The following OAF variants were observed in gnomAD, a reference collection of about 807,000 sequenced individuals.
OAF encodes out at first protein homolog.
A neutral mutation model predicts 22.5 loss-of-function variants in OAF; 13 were observed. That is an observed-to-expected ratio of 0.58 (90% confidence interval 0.38 to 0.92). The LOEUF (loss-of-function observed/expected upper bound fraction) is 0.92. Ranked by LOEUF, OAF falls within the 40% of genes least tolerant of loss-of-function variation. OAF has a pLI of 0.00. For missense variants in OAF, 347 were observed against 381.8 expected (o/e 0.91, Z 0.76); for synonymous variants, 175 against 170.5 (o/e 1.03, Z -0.21).
chr11:120,228,888 G>A lies in OAF; in HGVS notation c.568G>A (p.Glu190Lys), dbSNP rs745994132. ...LEQGVDSSVF[E>K]ALPKASEQAE... is the part of the protein sequence containing the mutation. ...CCCAGGTGTGGACAGTTCTGTGTTCGAGGCTCTGCCCAAGGCCTCAGAGCA... is the reference window on the plus strand; with the variant it reads ...CCCAGGTGTGGACAGTTCTGTGTTCAAGGCTCTGCCCAAGGCCTCAGAGCA... Residue 190 changes from glutamate to lysine, a missense_variant, in exon 4 of 4, where the codon GAG becomes AAG. Coordinates refer to ENST00000328965, the MANE Select transcript of OAF (RefSeq NM_178507.4). The A allele has an allele frequency of 4.2e-6, 6 of 1,434,864 alleles. No individual in the cohort carries two copies. In the East Asian group the frequency reaches 9.5e-5, roughly 23 times the overall value. The allele number at this position is 1,434,864 out of a possible 1,614,324, so 88.9% of individuals were successfully genotyped here. A position where few individuals can be genotyped will look rare whatever the true frequency, so the allele number is the denominator to read the frequency against.
In OAF at chr11:120,226,936, GC is replaced by G; in HGVS notation, c.489del (p.Glu164ArgfsTer57). On this transcript the variant is annotated frameshift_variant, in exon 3 of 4. Coordinates refer to ENST00000328965, the MANE Select transcript of OAF (RefSeq NM_178507.4). LOFTEE classifies it high-confidence loss of function. ...GAGCCCCCATCTCCACAACGTGTGT[GC>G]CGAGGCCGTGGATGCCATCTACACC... ...LLSPHLHNVC[A>X]EAVDAIYTRQ... The G allele has an allele frequency of 6.2e-7, 1 of 1,611,628 alleles. No individual in the cohort carries two copies. The highest frequency in any genetic ancestry group is 1.3e-5 in the African/African-American group (1 of 75,014).
At chr11:120,225,639 C>A (rs1167352367) in intron 1 of OAF, 22 bp from the exon 2 acceptor site, 1 of 1,572,922 alleles carries the variant, frequency 6.4e-7, no homozygotes, top group Admixed American at 1.8e-5. Flanking sequence ...CCAGCCGTTC[C>A]CATCCTCCTG....
chr11:120,215,266 A>AT (rs1300753088), intron 1 of OAF, among the ~76,000 whole-genome samples: 1 of 152,190 alleles, frequency 6.6e-6, no homozygotes, highest in Admixed American at 6.5e-5. Flanking sequence ...AGGCAGGAGA[A>AT]TCGCTTGAAT....
intron 1 of OAF, among the ~76,000 whole-genome samples, chr11:120,222,199 C>T (rs1488937897): frequency 6.6e-6 from 1 of 152,144 alleles, no homozygotes; most frequent in Non-Finnish European, 1.5e-5. Context: ...ACCAAATAGA[C>T]CCAGAAAGTA....
chr11:120,225,525 C>G, intron 1 of OAF, 136 bp from the exon 2 acceptor site: 1 of 665,086 alleles, frequency 1.5e-6, no homozygotes, highest in Non-Finnish European at 2.4e-6. Context: ...ATAAAAATTC[C>G]TAGACCAGCA....
chr11:120,227,648 C>T (rs1412399377), intron 3 of OAF, among the ~76,000 whole-genome samples: 1 of 152,132 alleles, frequency 6.6e-6, no homozygotes, highest in Non-Finnish European at 1.5e-5. Context: ...GTGACTTCAG[C>T]GCTGACCCCT....
At chr11:120,211,556 C>T in intron 1 of OAF, 46 bp downstream of exon 1, 3 of 1,315,122 alleles carry the variant, frequency 2.3e-6, no homozygotes, top group Non-Finnish European at 2.0e-6. Flanking sequence ...AGCCTGAGCC[C>T]CCCGGGATCC....
At chr11:120,219,843 T>C (rs12223954) in intron 1 of OAF, among the ~76,000 whole-genome samples, 14,790 of 152,190 alleles carry the variant, frequency 0.097, 1,489 homozygotes, top group East Asian at 0.57. Flanking sequence ...ACCTTCTAGA[T>C]GCCAAAATAG....
chr11:120,215,659 C>G (rs1364218463), intron 1 of OAF, among the ~76,000 whole-genome samples: 1 of 152,196 alleles, frequency 6.6e-6, no homozygotes, highest in Non-Finnish European at 1.5e-5. Context: ...ACTGGCATAT[C>G]TAATCATAGG....
Position 120,211,105 on chromosome 11 carries a change from T to C in OAF, c.-175T>C, listed in dbSNP as rs1294898012. ...CTCGGGGCCGCCGGGGGCGCCCTGCTGAGCGCTACCCACGTGCGTCCGCGC... is the reference window on the plus strand; with the variant it reads ...CTCGGGGCCGCCGGGGGCGCCCTGCCGAGCGCTACCCACGTGCGTCCGCGC... On this transcript the variant is annotated 5_prime_UTR_variant, in exon 1 of 4. Transcript: ENST00000328965. 1 of 225,016 alleles carries C rather than the reference T, an allele frequency of 4.4e-6. No homozygotes were observed. Among genetic ancestry groups the C allele is most frequent in the Non-Finnish European group, 8.4e-6 (1 of 119,002 alleles). The allele number at this position is 225,016 out of a possible 1,614,324, so 13.9% of individuals were successfully genotyped here.
chr11:120,219,436 TGTTA>T (rs1938253946), intron 1 of OAF, among the ~76,000 whole-genome samples: 1 of 152,082 alleles, frequency 6.6e-6, no homozygotes, highest in Admixed American at 6.5e-5. Flanking sequence ...TTCTTCCCAG[TGTTA>T]TCTGAGTCTG....
chr11:120,229,452 A>C lies in OAF; in HGVS notation c.*310A>C. On this transcript the variant is annotated 3_prime_UTR_variant, in exon 4 of 4. Coordinates refer to ENST00000328965, the MANE Select transcript of OAF (RefSeq NM_178507.4). ...GTGTTCACTTGCAAGCTGCCAAAACATGATGGCCTCTGGTTGTTCTGTTGA... is the reference window on the plus strand; with the variant it reads ...GTGTTCACTTGCAAGCTGCCAAAACCTGATGGCCTCTGGTTGTTCTGTTGA... The C allele has an allele frequency of 1.8e-5, 6 of 342,404 alleles. No individual in the cohort carries two copies. Among genetic ancestry groups the C allele is most frequent in the South Asian group, 3.9e-5 (1 of 25,650 alleles). The allele number at this position is 342,404 out of a possible 1,614,324, so 21.2% of individuals were successfully genotyped here.
At chr11:120,218,803 C>T (rs1465968994) in intron 1 of OAF, among the ~76,000 whole-genome samples, 1 of 152,100 alleles carries the variant, frequency 6.6e-6, no homozygotes, top group Non-Finnish European at 1.5e-5. Flanking sequence ...TTTCCATTCT[C>T]CTGCAGGCGG....
intron 1 of OAF, among the ~76,000 whole-genome samples, chr11:120,222,207 G>A (rs1423745783): frequency 6.6e-6 from 1 of 152,226 alleles, no homozygotes; most frequent in Non-Finnish European, 1.5e-5. Context: ...GACCCAGAAA[G>A]TAGGGCTGCC....
At chr11:120,226,224 C>A (rs1189661021) in intron 2 of OAF, among the ~76,000 whole-genome samples, 1 of 152,226 alleles carries the variant, frequency 6.6e-6, no homozygotes, top group Non-Finnish European at 1.5e-5. Context: ...TGACATTGGA[C>A]AAGTTACCTT....
intron 1 of OAF, 38 bp from the exon 2 acceptor site, chr11:120,225,623 C>A: frequency 6.5e-7 from 1 of 1,535,844 alleles, no homozygotes; most frequent in South Asian, 1.3e-5. Flanking sequence ...GAAGGTCCCA[C>A]ACCCTCCAGC....
chr11:120,222,449 C>T (rs1446198088), intron 1 of OAF, among the ~76,000 whole-genome samples: 1 of 151,630 alleles, frequency 6.6e-6, no homozygotes, highest in Admixed American at 6.6e-5. Flanking sequence ...CCAGCTACTC[C>T]AGAGGCTGAG....
chr11:120,214,715 T>A (rs1038314599), intron 1 of OAF, among the ~76,000 whole-genome samples: 2 of 152,186 alleles, frequency 1.3e-5, no homozygotes, highest in Non-Finnish European at 2.9e-5. Context: ...TCTAACTCTC[T>A]CCCACACTAC....
At chr11:120,211,794 C>T (rs751926333) in intron 1 of OAF, among the ~76,000 whole-genome samples, 1 of 152,196 alleles carries the variant, frequency 6.6e-6, no homozygotes, top group Non-Finnish European at 1.5e-5. Context: ...GACTGGACTC[C>T]CTTCTTGGAG....
Sources: gnomAD v4.1 joint callset for allele counts (sites outside exome capture counted in the v4.1 genomes callset) on GRCh38, gnomAD v4.1.1 for gene constraint, MANE v1.5 for transcripts, NCBI Gene and HGNC (gene_info 2026-07-23, HGNC 2026-07-21) for gene names.